The following IMMP2L variants were observed in gnomAD, a reference collection of about 807,000 sequenced individuals.
The protein encoded by IMMP2L is mitochondrial inner membrane protease subunit 2.
A neutral mutation model predicts 19.3 loss-of-function variants in IMMP2L; 18 were observed. The observed-to-expected ratio is 0.93, with a 90% CI of 0.64 to 1.38. The LOEUF is 1.38. Among genes scored for constraint, IMMP2L ranks in the 40% most tolerant of loss-of-function variants. The probability of loss-of-function intolerance (pLI) is 0.00; values close to 1 mark genes in which losing one functional copy is unlikely to be tolerated. For missense variants in IMMP2L, 233 were observed against 218.2 expected, an observed-to-expected ratio of 1.07 and a Z score of -0.43; for synonymous variants, 76 against 73.0, an observed-to-expected ratio of 1.04 and a Z score of -0.21.
intron 5 of IMMP2L, among the ~76,000 whole-genome samples, chr7:110,864,371 T>C (rs979440172): frequency 6.6e-6 from 1 of 152,040 alleles, no homozygotes; most frequent in African/African-American, 2.4e-5. Context: ...TGTGTTCAAA[T>C]ATACACAGGG....
intron 3 of IMMP2L, among the ~76,000 whole-genome samples, chr7:111,476,266 T>C (rs1841716291): frequency 6.6e-6 from 1 of 152,114 alleles, no homozygotes; most frequent in African/African-American, 2.4e-5. Context: ...AACTGGCAAA[T>C]AGAGGCTTTC....
rs1795980458 is a variant in IMMP2L, at chr7:110,727,561, A to G, written c.409-63840T>C. On this transcript the variant is annotated intron_variant, in intron 5 of 5. Transcript: ENST00000405709. This position sits in a 1 kb window ranked among gnomAD's most constrained non-coding sequence, Gnocchi z 4.3. ...AAGAGTCAGAAACTGATGTTAGCAA[A>G]TTGAAGGTAGAGGAGAAGACAAGGT... Among the ~76,000 whole-genome samples, 1 of 152,202 alleles carries G rather than the reference A, an allele frequency of 6.6e-6. No individual in the cohort carries two copies. The highest frequency in any genetic ancestry group is 6.5e-5 in the Admixed American group (1 of 15,280).
chr7:111,543,030 A>G (rs1354763147), intron 1 of IMMP2L, among the ~76,000 whole-genome samples: 2 of 152,208 alleles, frequency 1.3e-5, no homozygotes, highest in Non-Finnish European at 2.9e-5. Context: ...AAGCAATCCA[A>G]CTGTATATAC....
In IMMP2L at chr7:111,523,926, A is replaced by G. The variant is rs114028901; in HGVS notation, c.-2-2477T>C. Among the ~76,000 whole-genome samples the G allele has an allele frequency of 5.6e-3, 858 of 152,228 alleles. 13 individuals are homozygous for G. The highest frequency in any genetic ancestry group is 0.019 in the African/African-American group (789 of 41,548). On this transcript the variant is annotated intron_variant, in intron 1 of 5. Coordinates refer to ENST00000405709, the MANE Select transcript of IMMP2L (RefSeq NM_032549.4). ...GAGTGAAACTAATTTCTCTTCAATG[A>G]CGTCTTTTGCCTAGAATCAAAACAC...
intron 5 of IMMP2L, among the ~76,000 whole-genome samples, chr7:110,797,598 T>C (rs551338568): frequency 7.0e-4 from 107 of 152,008 alleles, no homozygotes; most frequent in Admixed American, 3.0e-3. Flanking sequence ...CACAGCAAGT[T>C]CGTGCTTGTA....
chr7:111,521,510 T>A, intron 1 of IMMP2L, 61 bp from the exon 2 acceptor site: 1 of 1,467,170 alleles, frequency 6.8e-7, no homozygotes, highest in Non-Finnish European at 9.2e-7. Flanking sequence ...AACAAAGACA[T>A]AAAAACAGTA....
intron 3 of IMMP2L, among the ~76,000 whole-genome samples, chr7:111,202,579 T>C (rs937080286): frequency 2.0e-5 from 3 of 152,184 alleles, no homozygotes; most frequent in Non-Finnish European, 4.4e-5. Flanking sequence ...TGCACTCTAA[T>C]GATCGACAGT....
At chr7:111,557,037 T>C (rs1397596243) in intron 1 of IMMP2L, among the ~76,000 whole-genome samples, 1 of 152,062 alleles carries the variant, frequency 6.6e-6, no homozygotes, top group African/African-American at 2.4e-5. Flanking sequence ...TCTAACATTC[T>C]CCCTCTCCCA....
At chr7:110,810,097 C>T (rs569962228) in intron 5 of IMMP2L, among the ~76,000 whole-genome samples, 1 of 152,068 alleles carries the variant, frequency 6.6e-6, no homozygotes, top group Non-Finnish European at 1.5e-5. Flanking sequence ...GCTTCCATCT[C>T]GTTCCCAACT....
At chr7:111,448,181 T>G (rs1456440494) in intron 3 of IMMP2L, among the ~76,000 whole-genome samples, 1 of 129,068 alleles carries the variant, frequency 7.7e-6, no homozygotes, top group Non-Finnish European at 1.6e-5. Context: ...TACCCAGGAA[T>G]TGAACTCAGC....
chr7:111,134,264 C>G (rs71572837), intron 3 of IMMP2L, among the ~76,000 whole-genome samples: 5,256 of 152,014 alleles, frequency 0.035, 131 homozygotes, highest in East Asian at 0.084. Context: ...CTTCTAACTA[C>G]CTAGATTTTT....
At chr7:111,550,934 T>A (rs1849395056) in intron 1 of IMMP2L, among the ~76,000 whole-genome samples, 1 of 152,160 alleles carries the variant, frequency 6.6e-6, no homozygotes, top group Non-Finnish European at 1.5e-5. Flanking sequence ...AGTCAGCAGA[T>A]AAATCTGCAG....
In IMMP2L at chr7:110,803,763, G is replaced by A. The variant is rs530891526; in HGVS notation, c.408+82830C>T. ...CAATTGGGAGAAGTCATTCCTTGAA[G>A]GAACACCTGGGGAGTCAGAGTTACC... On this transcript the variant is annotated intron_variant, in intron 5 of 5. Coordinates refer to ENST00000405709, the MANE Select transcript of IMMP2L (RefSeq NM_032549.4). The surrounding 1 kb of genome is among the most constrained non-coding windows in gnomAD (Gnocchi z 4.2). 1.3e-5 allele frequency among the ~76,000 whole-genome samples: 2 copies of A among 152,138 alleles called. No individual in the cohort carries two copies. Among genetic ancestry groups the A allele is most frequent in the South Asian group, 4.1e-4 (2 of 4,826 alleles).
intron 5 of IMMP2L, among the ~76,000 whole-genome samples, chr7:110,835,316 G>A (rs2131405608): frequency 6.6e-6 from 1 of 152,216 alleles, no homozygotes; most frequent in East Asian, 1.9e-4. Flanking sequence ...AAAGAATAAA[G>A]GTGTTTATTA....
intron 5 of IMMP2L, among the ~76,000 whole-genome samples, chr7:110,863,365 AG>A (rs149263651): frequency 1.3e-3 from 191 of 152,294 alleles, no homozygotes; most frequent in Non-Finnish European, 2.4e-3. Flanking sequence ...CATGACACAA[AG>A]AAAAGAGCAA....
chr7:111,298,938 T>C (rs1821917337), intron 3 of IMMP2L, among the ~76,000 whole-genome samples: 2 of 152,096 alleles, frequency 1.3e-5, no homozygotes, highest in African/African-American at 4.8e-5. Flanking sequence ...TTAATATTGA[T>C]CAGTAATGAG....
intron 3 of IMMP2L, among the ~76,000 whole-genome samples, chr7:111,270,057 CTGTGTGTGTG>C (rs58848663): frequency 5.8e-4 from 82 of 140,622 alleles, no homozygotes; most frequent in Middle Eastern, 3.6e-3. Context: ...GCATGTGTGT[CTGTGTGTGTG>C]TGTGTGTGTG....
At chr7:111,509,306 G>A (rs1845230925) in intron 2 of IMMP2L, among the ~76,000 whole-genome samples, 1 of 152,106 alleles carries the variant, frequency 6.6e-6, no homozygotes, top group Non-Finnish European at 1.5e-5. Context: ...AAAGGCCCAA[G>A]GACCACAGCA....
At chr7:111,326,838 T>C (rs370150305) in intron 3 of IMMP2L, among the ~76,000 whole-genome samples, 1 of 151,952 alleles carries the variant, frequency 6.6e-6, no homozygotes, top group Non-Finnish European at 1.5e-5. Context: ...TTTTCAGGTA[T>C]TATCCAAAAT....
Sources: allele counts gnomAD v4.1 joint callset (sites outside exome capture counted in the v4.1 genomes callset), GRCh38; gene constraint gnomAD v4.1.1; non-coding constraint Gnocchi (gnomAD v3.1); transcripts MANE v1.5; gene names NCBI Gene and HGNC (gene_info 2026-07-23, HGNC 2026-07-21).